REL: variants seen among roughly 807,000 people sequenced by gnomAD.
REL encodes REL proto-oncogene, NF-kB subunit, also known as proto-oncogene c-Rel.
A neutral mutation model predicts 45.9 loss-of-function variants in REL; 15 were observed. That is an observed-to-expected ratio of 0.33 (90% confidence interval 0.22 to 0.50). The LOEUF is 0.50. Among genes scored for constraint, REL ranks in the 20% least tolerant of loss-of-function variants. The pLI, the probability that REL is intolerant of heterozygous loss-of-function variation, is 0.98. For missense variants in REL, 601 were observed against 715.2 expected (o/e 0.84, Z 1.82); for synonymous variants, 239 against 242.1 (o/e 0.99, Z 0.12).
At position 60,922,631 on chromosome 2, in the gene REL, T is replaced by C. The variant is rs2103990975; in HGVS notation, c.*96T>C. The C allele has an allele frequency of 7.2e-7, 1 of 1,398,088 alleles. No homozygotes were observed. The highest frequency in any genetic ancestry group is 2.5e-5 in the East Asian group (1 of 39,654). 86.6% of individuals were successfully genotyped at this position (1,398,088 alleles called of 1,614,324 possible). A position where few individuals can be genotyped will look rare whatever the true frequency, so the allele number is the denominator to read the frequency against. On this transcript the variant is annotated 3_prime_UTR_variant, in exon 10 of 10. Coordinates refer to ENST00000394479, the MANE Select transcript of REL (RefSeq NM_001291746.2). The stretch of plus-strand genomic sequence containing the variant: ...TGGGGATATAATACTATATTTATAC[T>C]GTATATATAATACTGACTGAGAATA...
At chr2:60,912,469 A>C (rs1324404334) in intron 4 of REL, among the ~76,000 whole-genome samples, 1 of 152,098 alleles carries the variant, frequency 6.6e-6, no homozygotes, top group Admixed American at 6.6e-5. Context: ...GTTTCGCTTG[A>C]AGTTGCAATT....
At position 60,925,392 on chromosome 2, in the gene REL, AAAAG is replaced by A. The variant is rs1343866879; in HGVS notation, c.*2863_*2866del. The A allele has an allele frequency of 8.1e-4, 155 of 190,840 alleles. 1 individual carries two copies. The highest frequency in any genetic ancestry group is 2.7e-3 in the African/African-American group (116 of 43,092). The allele number at this position is 190,840 out of a possible 1,614,324, so 11.8% of individuals were successfully genotyped here. ...GCTCAGGATGGTTCAGGAAGAAAAA[AAAAG>A]AAAGACCCCTGAGTACCATTAATAT... On this transcript the variant is annotated 3_prime_UTR_variant, in exon 10 of 10. Transcript: ENST00000394479.
At chr2:60,881,893 C>A in intron 1 of REL, 43 bp downstream of exon 1, 1 of 1,404,796 alleles carries the variant, frequency 7.1e-7, no homozygotes, top group Non-Finnish European at 9.4e-7. Flanking sequence ...GGGAAAGGAG[C>A]TCTTCTGAAG....
Position 60,894,532 on chromosome 2 carries a change from C to T in REL, c.289C>T (p.Arg97Cys), listed in dbSNP as rs955883570. 8 of 1,598,354 alleles carry T rather than the reference C, an allele frequency of 5.0e-6. 1 individual carries two copies. The highest frequency in any genetic ancestry group is 2.3e-5 in the South Asian group (2 of 88,362). ...GYYEAEFGQE[R>C]RPLFFQNLGI... ...CTATGAAGCAGAATTTGGACAAGAA[C>T]GCAGACCTTTGTTGTAAGTACACAG... The change falls in exon 3 of 10, where the codon CGC becomes TGC. Residue 97 changes from arginine (R) to cysteine (C), a missense_variant. By Grantham distance (180) the Arg-to-Cys change is radical (BLOSUM62 -3). Around this residue, in one of 4 missense-constraint regions of REL, gnomAD observed 241 missense variants for 347.0 expected, o/e 0.69. Transcript: ENST00000394479.
At chr2:60,910,776 A>G (rs907393678) in intron 4 of REL, among the ~76,000 whole-genome samples, 3 of 152,032 alleles carry the variant, frequency 2.0e-5, no homozygotes, top group Admixed American at 1.3e-4. Flanking sequence ...TACTAAAAAT[A>G]CAAAACTTAG....
In REL at chr2:60,891,634, A is replaced by G. The variant is rs202085826; in HGVS notation, c.11-49A>G. On this transcript the variant is annotated intron_variant, in intron 1 of 9. Coordinates refer to ENST00000394479, the MANE Select transcript of REL (RefSeq NM_001291746.2). ...AAACAGAATGTTAAAATCCATTATT[A>G]ATTGCTATATTAATCTCACTGACCT... 726 of 1,389,700 alleles carry G rather than the reference A, an allele frequency of 5.2e-4. 10 individuals carry two copies. In the South Asian group the frequency reaches 0.011, roughly 20 times the overall value. The allele number at this position is 1,389,700 out of a possible 1,614,324, so 86.1% of individuals were successfully genotyped here.
intron 1 of REL, among the ~76,000 whole-genome samples, chr2:60,890,813 T>C (rs954391113): frequency 1.3e-5 from 2 of 152,172 alleles, no homozygotes; most frequent in African/African-American, 4.8e-5. Flanking sequence ...TATATCCCTG[T>C]TCTTAGGCAA....
chr2:60,882,141 A>G (rs916148136), intron 1 of REL, among the ~76,000 whole-genome samples: 20 of 152,208 alleles, frequency 1.3e-4, no homozygotes, highest in African/African-American at 4.8e-4. Context: ...GAGGACGAAG[A>G]GTTCTCATTA....
rs1674209381 is a variant in REL at position 60,923,989 on chromosome 2, C to T, written c.*1454C>T. On this transcript the variant is annotated 3_prime_UTR_variant, in exon 10 of 10. Coordinates refer to ENST00000394479, the MANE Select transcript of REL (RefSeq NM_001291746.2). The stretch of plus-strand genomic sequence containing the variant: ...TACCTCAGGTACCACCATATCCCAC[C>T]TCCTCATGCAGCTCCAGGCACCTTG... 4.3e-6 allele frequency: 1 copy of T among 233,206 alleles called. No homozygotes were observed. Among genetic ancestry groups the T allele is most frequent in the South Asian group, 1.8e-4 (1 of 5,532 alleles). The allele number at this position is 233,206 out of a possible 1,614,324, so 14.4% of individuals were successfully genotyped here. A position where few individuals can be genotyped will look rare whatever the true frequency, so the allele number is the denominator to read the frequency against.
chr2:60,904,432 G>C (rs941895613), intron 4 of REL, among the ~76,000 whole-genome samples: 1 of 151,244 alleles, frequency 6.6e-6, no homozygotes, highest in Non-Finnish European at 1.5e-5. Flanking sequence ...TTAGCCGGGC[G>C]TGGTGGCGCA....
intron 1 of REL, among the ~76,000 whole-genome samples, chr2:60,883,012 G>A (rs1672984273): frequency 6.6e-6 from 1 of 152,098 alleles, no homozygotes; most frequent in Admixed American, 6.6e-5. Flanking sequence ...CGGGGCGGGG[G>A]GATAAATCAA....
At chr2:60,898,373 C>T (rs1006474401) in intron 3 of REL, among the ~76,000 whole-genome samples, 1 of 152,226 alleles carries the variant, frequency 6.6e-6, no homozygotes, top group Admixed American at 6.5e-5. Context: ...TTAAACTCTG[C>T]TTTCCTTAAT....
intron 4 of REL, among the ~76,000 whole-genome samples, chr2:60,906,280 C>T (rs1280792149): frequency 2.0e-5 from 3 of 152,170 alleles, no homozygotes; most frequent in East Asian, 1.9e-4. Flanking sequence ...CCATATCGCC[C>T]CACTACATGC....
intron 4 of REL, among the ~76,000 whole-genome samples, chr2:60,907,387 C>CT (rs1210318705): frequency 6.6e-6 from 1 of 152,030 alleles, no homozygotes; most frequent in Non-Finnish European, 1.5e-5. Context: ...TGGCTCATGC[C>CT]TGTAATCCCA....
At chr2:60,910,625 T>C (rs2103966550) in intron 4 of REL, among the ~76,000 whole-genome samples, 1 of 152,066 alleles carries the variant, frequency 6.6e-6, no homozygotes, top group Non-Finnish European at 1.5e-5. Flanking sequence ...TTCCGTTAGT[T>C]TCTGCAAATG....
chr2:60,891,566 T>C, intron 1 of REL, 117 bp from the exon 2 acceptor site: 1 of 911,236 alleles, frequency 1.1e-6, no homozygotes, highest in Non-Finnish European at 1.6e-6. Flanking sequence ...TTATTTAATG[T>C]TAGGAGGAAA....
At position 60,926,718 on chromosome 2, in the gene REL, A is replaced by G. The variant is rs1415072551; in HGVS notation, c.*4183A>G. On this transcript the variant is annotated 3_prime_UTR_variant, in exon 10 of 10. Coordinates refer to ENST00000394479, the MANE Select transcript of REL (RefSeq NM_001291746.2). The stretch of plus-strand genomic sequence containing the variant: ...GCATTACCATTTACCACGCCACCCA[A>G]GATACTTACTAGGAACCTCAAAGTA... 4.4e-6 allele frequency: 1 copy of G among 227,964 alleles called. No individual in the cohort carries two copies. The highest frequency in any genetic ancestry group is 2.2e-5 in the African/African-American group (1 of 45,010). 14.1% of individuals were successfully genotyped at this position (227,964 alleles called of 1,614,324 possible). A position where few individuals can be genotyped will look rare whatever the true frequency, so the allele number is the denominator to read the frequency against.
chr2:60,920,885 A>C (rs1466141625), intron 9 of REL, among the ~76,000 whole-genome samples: 1 of 152,236 alleles, frequency 6.6e-6, no homozygotes, highest in African/African-American at 2.4e-5. Context: ...CAATTTTATT[A>C]ATTACATTGC....
chr2:60,915,681 AAAT>A (rs1046087449), intron 4 of REL, among the ~76,000 whole-genome samples: 4 of 152,232 alleles, frequency 2.6e-5, no homozygotes, highest in African/African-American at 7.2e-5. Context: ...ATTGTTATGT[AAAT>A]AATGTGCATG....
Sources: gnomAD v4.1 joint callset for allele counts (sites outside exome capture counted in the v4.1 genomes callset) on GRCh38, gnomAD v4.1.1 for gene constraint, gnomAD v4.1.1 regional missense constraint, MANE v1.5 for transcripts, NCBI Gene and HGNC (gene_info 2026-07-23, HGNC 2026-07-21) for gene names.